Variants in CTXND2 observed in about 807,000 individuals in gnomAD.
CTXND2 encodes cortexin domain containing 2.
chr1:150,911,895 T>C (rs587620721), intron 1 of CTXND2, among the ~76,000 whole-genome samples: 4 of 152,338 alleles, frequency 2.6e-5, no homozygotes, highest in Admixed American at 6.5e-5. Context: ...TAAGTACTCT[T>C]GGAATTTGAA....
At chr1:150,905,648 A>T (rs1669129674) in intron 1 of CTXND2, among the ~76,000 whole-genome samples, 1 of 152,158 alleles carries the variant, frequency 6.6e-6, no homozygotes, top group African/African-American at 2.4e-5. Flanking sequence ...AAGATGGCGT[A>T]GTCAATCGTA....
intron 1 of CTXND2, among the ~76,000 whole-genome samples, chr1:150,887,550 A>G (rs960633291): frequency 3.3e-5 from 5 of 152,130 alleles, no homozygotes; most frequent in African/African-American, 1.2e-4. Context: ...GTCTCAGCCC[A>G]AGACCTTTTT....
intron 1 of CTXND2, among the ~76,000 whole-genome samples, chr1:150,898,586 T>G (rs587769265): frequency 2.0e-5 from 3 of 150,554 alleles, no homozygotes; most frequent in Non-Finnish European, 4.4e-5. Flanking sequence ...CAAAACCCTG[T>G]CTCTACTAAA....
chr1:150,901,835 G>A (rs587747190), intron 1 of CTXND2, among the ~76,000 whole-genome samples: 13 of 151,278 alleles, frequency 8.6e-5, no homozygotes, highest in African/African-American at 2.7e-4. Context: ...GGAGAATGGC[G>A]TGAACCTGGG....
chr1:150,888,891 A>G (rs1218404343), intron 1 of CTXND2, among the ~76,000 whole-genome samples: 1 of 151,550 alleles, frequency 6.6e-6, no homozygotes, highest in Non-Finnish European at 1.5e-5. Flanking sequence ...TTTTGTAGAG[A>G]TGGGGTCTTG....
rs144344995 is a variant in CTXND2, at chr1:150,905,497, A to G, written c.-73-6745A>G. ...TGGGAGGAGTCCAGGGGGTGGCATGAAAACCCAGTGTAAAAGATATGAGTG... is the reference window on the plus strand; with the variant it reads ...TGGGAGGAGTCCAGGGGGTGGCATGGAAACCCAGTGTAAAAGATATGAGTG... On this transcript the variant is annotated intron_variant, in intron 1 of 1. Coordinates refer to ENST00000636087, the Ensembl canonical transcript of CTXND2. 4.2e-4 allele frequency among the ~76,000 whole-genome samples: 64 copies of G among 152,260 alleles called. 1 individual carries two copies. Among genetic ancestry groups the G allele is most frequent in the Non-Finnish European group, 5.9e-4 (40 of 68,004 alleles).
chr1:150,899,852 G>T (rs1369322878), intron 1 of CTXND2, among the ~76,000 whole-genome samples: 2 of 152,170 alleles, frequency 1.3e-5, no homozygotes, highest in Non-Finnish European at 2.9e-5. Context: ...TGGACTTCCT[G>T]GGTGGAGTGG....
intron 1 of CTXND2, among the ~76,000 whole-genome samples, chr1:150,898,907 C>T (rs1458240072): frequency 7.5e-6 from 1 of 134,154 alleles, no homozygotes; most frequent in African/African-American, 2.7e-5. Context: ...GAAACCCTGT[C>T]TCTACTAAAA....
chr1:150,893,847 C>T (rs1374472953), intron 1 of CTXND2, among the ~76,000 whole-genome samples: 1 of 152,132 alleles, frequency 6.6e-6, no homozygotes, highest in Non-Finnish European at 1.5e-5. Flanking sequence ...TCCTACTGCT[C>T]AAGGTCATCA....
intron 1 of CTXND2, among the ~76,000 whole-genome samples, chr1:150,911,476 C>T (rs587601889): frequency 6.7e-6 from 1 of 150,324 alleles, no homozygotes; most frequent in South Asian, 2.1e-4. Context: ...CGCTCTGTTG[C>T]GCAGGCTGGA....
At chr1:150,900,784 A>G (rs1669004596) in intron 1 of CTXND2, among the ~76,000 whole-genome samples, 1 of 152,230 alleles carries the variant, frequency 6.6e-6, no homozygotes, top group African/African-American at 2.4e-5. Flanking sequence ...ATTCAATAGA[A>G]AAAGAGACAA....
In CTXND2 at chr1:150,891,497, G is replaced by A. The variant is rs587616869; in HGVS notation, c.-74+4184G>A. Among the ~76,000 whole-genome samples the A allele has an allele frequency of 3.3e-5, 5 of 152,294 alleles. No individual in the cohort carries two copies. The East Asian group carries it at 7.7e-4, about 24-fold the overall frequency. ...CAAAGTGCTGGGATTACAGGCGTGAGCCACTGCACCCGGCCTTATCTGATA... is the reference window on the plus strand; with the variant it reads ...CAAAGTGCTGGGATTACAGGCGTGAACCACTGCACCCGGCCTTATCTGATA... On this transcript the variant is annotated intron_variant, in intron 1 of 1. Transcript: ENST00000636087.
chr1:150,901,003 T>C (rs956042085), intron 1 of CTXND2, among the ~76,000 whole-genome samples: 2 of 152,032 alleles, frequency 1.3e-5, no homozygotes, highest in Non-Finnish European at 2.9e-5. Flanking sequence ...TCCCAGTTCC[T>C]TGGGAGGCTG....
At chr1:150,898,272 A>T (rs587596561) in intron 1 of CTXND2, among the ~76,000 whole-genome samples, 1 of 152,136 alleles carries the variant, frequency 6.6e-6, no homozygotes, top group Admixed American at 6.6e-5. Context: ...CTCAGAGTCA[A>T]TCTCCTTCTT....
At chr1:150,909,898 CAATGTGTAGGA>C (rs1669219150) in intron 1 of CTXND2, among the ~76,000 whole-genome samples, 1 of 152,064 alleles carries the variant, frequency 6.6e-6, no homozygotes, top group Admixed American at 6.6e-5. Flanking sequence ...AGAAATGTAA[CAATGTGTAGGA>C]AAACAGGAAC....
chr1:150,899,678 C>T (rs1186153424), intron 1 of CTXND2, among the ~76,000 whole-genome samples: 1 of 152,026 alleles, frequency 6.6e-6, no homozygotes, highest in African/African-American at 2.4e-5. Flanking sequence ...CAAAACATGG[C>T]CTGATGCAGT....
chr1:150,891,688 T>G (rs6587534), intron 1 of CTXND2, among the ~76,000 whole-genome samples: 150,258 of 152,316 alleles, frequency 0.99, 74,151 homozygotes, highest in East Asian at 1. Context: ...TATCTCAAAG[T>G]CTTACTGAAC....
intron 1 of CTXND2, among the ~76,000 whole-genome samples, chr1:150,895,515 T>A (rs1223791526): frequency 2.6e-5 from 4 of 152,052 alleles, no homozygotes. Flanking sequence ...AGCTAATTTT[T>A]GTATTTTCAG....
intron 1 of CTXND2, among the ~76,000 whole-genome samples, chr1:150,904,743 A>C (rs187057801): frequency 5.9e-5 from 9 of 152,274 alleles, no homozygotes; most frequent in African/African-American, 2.2e-4. Flanking sequence ...GGTTCCTTTT[A>C]CTTATTGAAA....
Sources: allele counts gnomAD v4.1 joint callset (sites outside exome capture counted in the v4.1 genomes callset), GRCh38; gene constraint gnomAD v4.1.1; transcripts MANE v1.5; gene names NCBI Gene and HGNC (gene_info 2026-07-23, HGNC 2026-07-21).